Variants in NRXN1 observed in about 807,000 individuals in gnomAD.
NRXN1 encodes the protein neurexin-1.
A neutral mutation model predicts 150.9 loss-of-function variants in NRXN1; 39 were observed. The observed-to-expected ratio is 0.26, with a 90% CI of 0.20 to 0.34. The LOEUF (loss-of-function observed/expected upper bound fraction) is 0.34. NRXN1 is among the 10% of genes least tolerant of loss of function. The pLI, the probability that NRXN1 is intolerant of heterozygous loss-of-function variation, is 1.00. For missense variants in NRXN1, 1,815 were observed against 1,949.9 expected, an observed-to-expected ratio of 0.93 and a Z score of 1.30; for synonymous variants, 924 against 757.0, an observed-to-expected ratio of 1.22 and a Z score of -3.62.
chr2:50,550,005 A>C (rs1667202429), intron 9 of NRXN1, among the ~76,000 whole-genome samples: 1 of 152,178 alleles, frequency 6.6e-6, no homozygotes, highest in Admixed American at 6.5e-5. Flanking sequence ...AGAAATACCC[A>C]AAAATATAAA....
intron 18 of NRXN1, among the ~76,000 whole-genome samples, chr2:50,234,817 AAAG>A (rs1233311479): frequency 2.2e-4 from 34 of 152,066 alleles, no homozygotes; most frequent in African/African-American, 7.7e-4. Flanking sequence ...GGAGATTCAG[AAAG>A]AAGAAGGCCT....
intron 5 of NRXN1, among the ~76,000 whole-genome samples, chr2:50,731,157 T>TA (rs1698052039): frequency 6.6e-6 from 1 of 152,192 alleles, no homozygotes; most frequent in Non-Finnish European, 1.5e-5. Flanking sequence ...CCAATGAAAT[T>TA]AAAGTTTGGC....
At chr2:51,007,247 A>G (rs1390792803) in intron 2 of NRXN1, among the ~76,000 whole-genome samples, 1 of 151,936 alleles carries the variant, frequency 6.6e-6, no homozygotes, top group Admixed American at 6.6e-5. Context: ...CATTTTCTGA[A>G]CCATTTCTGA....
At chr2:50,434,785 T>C (rs1348956319) in intron 17 of NRXN1, among the ~76,000 whole-genome samples, 1 of 152,032 alleles carries the variant, frequency 6.6e-6, no homozygotes, top group Non-Finnish European at 1.5e-5. Flanking sequence ...ACTTTCTCAC[T>C]GCTGCTCTCA....
chr2:50,472,577 A>T, intron 15 of NRXN1, 106 bp from the exon 16 acceptor site: 1 of 832,132 alleles, frequency 1.2e-6, no homozygotes, highest in Non-Finnish European at 1.8e-6. Context: ...TTAAGTTAAT[A>T]AAAAATTAAT....
chr2:50,822,075 A>G (rs1016830309), intron 5 of NRXN1, among the ~76,000 whole-genome samples: 7 of 152,156 alleles, frequency 4.6e-5, no homozygotes, highest in African/African-American at 1.7e-4. Context: ...TATTTAAGTG[A>G]TAGTCTAATT....
At chr2:50,220,013 T>TAA (rs1553776843) in intron 18 of NRXN1, among the ~76,000 whole-genome samples, 3 of 100,554 alleles carry the variant, frequency 3.0e-5, no homozygotes, top group African/African-American at 1.3e-4. Context: ...ATATAATATA[T>TAA]TATATATATA....
At chr2:50,526,326 A>G (rs1213784419) in intron 12 of NRXN1, among the ~76,000 whole-genome samples, 1 of 152,186 alleles carries the variant, frequency 6.6e-6, no homozygotes, top group Admixed American at 6.5e-5. Flanking sequence ...TTAATTTCAC[A>G]ATACAGTTGA....
At chr2:50,906,179 TATC>T (rs1206360617) in intron 5 of NRXN1, among the ~76,000 whole-genome samples, 1 of 152,144 alleles carries the variant, frequency 6.6e-6, no homozygotes, top group Non-Finnish European at 1.5e-5. Flanking sequence ...AGTAGATTAA[TATC>T]ATATTTGTAG....
At chr2:50,475,809 C>T (rs545456979) in intron 15 of NRXN1, among the ~76,000 whole-genome samples, 1 of 151,864 alleles carries the variant, frequency 6.6e-6, no homozygotes, top group East Asian at 1.9e-4. Flanking sequence ...TGGTCTGAGC[C>T]CTGTGTACTA....
At chr2:50,695,232 T>G (rs1396922410) in intron 5 of NRXN1, among the ~76,000 whole-genome samples, 2 of 152,108 alleles carry the variant, frequency 1.3e-5, no homozygotes, top group Non-Finnish European at 2.9e-5. Flanking sequence ...TATTTGTACT[T>G]GAGATTCCTT....
chr2:50,984,891 T>A (rs934914820), intron 2 of NRXN1, among the ~76,000 whole-genome samples: 7 of 152,122 alleles, frequency 4.6e-5, no homozygotes, highest in African/African-American at 1.7e-4. Context: ...AAATTATCTC[T>A]GCAAATACTT....
chr2:50,997,775 C>G (rs556744889), intron 2 of NRXN1, among the ~76,000 whole-genome samples: 1 of 141,884 alleles, frequency 7.0e-6, no homozygotes, highest in Admixed American at 6.8e-5. Flanking sequence ...TCCCAAAATG[C>G]TGGGATTACA....
Position 50,829,584 on chromosome 2 carries a change from T to A in NRXN1, c.832+92285A>T, listed in dbSNP as rs547279456. 78 of 1,612,010 alleles carry A rather than the reference T, an allele frequency of 4.8e-5. 2 individuals carry two copies. In the South Asian group the frequency reaches 4.9e-4, roughly 10 times the overall value. Reference sequence around the variant, plus strand: ...CTTAAACTGAAGGTCCATGTAGCCATCGTCTGTGCTGGAGAGCCTTGAATA... The same window carrying A: ...CTTAAACTGAAGGTCCATGTAGCCAACGTCTGTGCTGGAGAGCCTTGAATA... On this transcript the variant is annotated intron_variant, in intron 5 of 22. Coordinates refer to ENST00000401669, the MANE Select transcript of NRXN1 (RefSeq NM_001330078.2).
intron 21 of NRXN1, among the ~76,000 whole-genome samples, chr2:50,000,690 T>G (rs1002492719): frequency 2.0e-5 from 3 of 152,168 alleles, no homozygotes; most frequent in Non-Finnish European, 4.4e-5. Context: ...TAGAGTCATT[T>G]CTCTTGTTAA....
Position 50,529,317 on chromosome 2 carries a change from C to G in NRXN1, c.2348-666G>C, listed in dbSNP as rs1171553667. Among the ~76,000 whole-genome samples the G allele has an allele frequency of 2.6e-5, 4 of 152,292 alleles. No homozygotes were observed. The South Asian group carries it at 6.2e-4, about 24-fold the overall frequency. On this transcript the variant is annotated intron_variant, in intron 11 of 22. Transcript: ENST00000401669. ...AGGAGCAGTCATTATTCAAGGCACA[C>G]AAGCCTATGCCTCTCTTAGGAGCTA... is the stretch of plus-strand genomic sequence containing the variant.
chr2:50,330,935 G>T (rs1168418460), intron 17 of NRXN1, among the ~76,000 whole-genome samples: 1 of 152,086 alleles, frequency 6.6e-6, no homozygotes, highest in African/African-American at 2.4e-5. Flanking sequence ...ATTAGGGGTG[G>T]GAAGTAGTTA....
At chr2:50,274,546 A>G (rs1441528336) in intron 17 of NRXN1, among the ~76,000 whole-genome samples, 9 of 152,192 alleles carry the variant, frequency 5.9e-5, no homozygotes, top group African/African-American at 1.7e-4. Context: ...CATGTATCCC[A>G]GAACTTAGAG....
chr2:50,248,420 T>C (rs1365836752), intron 17 of NRXN1, among the ~76,000 whole-genome samples: 2 of 152,174 alleles, frequency 1.3e-5, no homozygotes, highest in African/African-American at 2.4e-5. Flanking sequence ...TGTTTGGCTA[T>C]AAAAACAGGA....
Sources: allele counts gnomAD v4.1 joint callset (sites outside exome capture counted in the v4.1 genomes callset), GRCh38; gene constraint gnomAD v4.1.1; transcripts MANE v1.5; gene names NCBI Gene and HGNC (gene_info 2026-07-23, HGNC 2026-07-21).